The following MGAM variants were observed in gnomAD, a reference collection of about 807,000 sequenced individuals.
MGAM encodes the protein maltase-glucoamylase.
MGAM carries 253 observed loss-of-function variants against 358.8 expected under a neutral mutation model. The observed-to-expected ratio is 0.71, with a 90% confidence interval of 0.64 to 0.78. The LOEUF (loss-of-function observed/expected upper bound fraction) is 0.78, where lower values mean the gene tolerates loss of function less well. Ranked by LOEUF, MGAM falls within the 30% of genes least tolerant of loss-of-function variation. The pLI is 0.00. For synonymous variants in MGAM, 1,105 were observed against 1,227.1 expected (o/e 0.90, Z 2.08); for missense variants, 3,080 against 3,432.6 (o/e 0.90, Z 2.57).
chr7:141,998,499 A>T (rs1355348137), intron 1 of MGAM, among the ~76,000 whole-genome samples: 2 of 152,124 alleles, frequency 1.3e-5, no homozygotes, highest in African/African-American at 4.8e-5. Context: ...GAGTGAAAAC[A>T]TGTAGTGTTT....
In MGAM at chr7:142,091,348, G is replaced by A. The variant is rs1247537820; in HGVS notation, c.6811-565G>A. On this transcript the variant is annotated intron_variant, in intron 57 of 70. Coordinates refer to ENST00000475668, the MANE Select transcript of MGAM (RefSeq NM_001365693.1). ...TGAAGAAAGATGAAAATAAGGGGAAGTTGAAATGTCCTCTTTAAGTCCTCT... is the reference window on the plus strand; with the variant it reads ...TGAAGAAAGATGAAAATAAGGGGAAATTGAAATGTCCTCTTTAAGTCCTCT... Among the ~76,000 whole-genome samples, 6 of 145,960 alleles carry A rather than the reference G, an allele frequency of 4.1e-5. No homozygotes were observed. In the Admixed American group the frequency reaches 4.1e-4, roughly 10 times the overall value.
chr7:142,036,755 T>C (rs1808028376), intron 17 of MGAM, 68 bp from the exon 18 acceptor site: 1 of 1,509,420 alleles, frequency 6.6e-7, no homozygotes, highest in African/African-American at 1.4e-5. Context: ...GAATGAGGTC[T>C]GGAATTCTGC....
chr7:142,026,121 C>T (rs988551480), intron 8 of MGAM, among the ~76,000 whole-genome samples: 22 of 151,878 alleles, frequency 1.4e-4, no homozygotes, highest in African/African-American at 2.2e-4. Flanking sequence ...TTCCTAGATA[C>T]GAATCAAGGT....
At chr7:142,024,565 C>T (rs1806779033) in intron 7 of MGAM, among the ~76,000 whole-genome samples, 1 of 152,172 alleles carries the variant, frequency 6.6e-6, no homozygotes, top group Admixed American at 6.5e-5. Flanking sequence ...ACAGCCATGT[C>T]TGCTTCTACC....
intron 49 of MGAM, among the ~76,000 whole-genome samples, 195 bp downstream of exon 49, chr7:142,079,203 C>A (rs1814011535): frequency 6.9e-6 from 1 of 145,850 alleles, no homozygotes; most frequent in Non-Finnish European, 1.5e-5. Context: ...ATTACTGTGG[C>A]TACTGTTAGG....
At chr7:142,050,892 C>T (rs1810887662) in intron 24 of MGAM, 28 bp downstream of exon 24, 3 of 1,612,938 alleles carry the variant, frequency 1.9e-6, no homozygotes, top group Non-Finnish European at 1.7e-6. Flanking sequence ...TGAGATGGTA[C>T]ATTGAGAATT....
rs560971774 is a variant in MGAM, at chr7:142,097,590, T to C, written c.7693-3T>C. The C allele has an allele frequency of 1.1e-5, 18 of 1,612,486 alleles. No individual in the cohort carries two copies. The Admixed American group carries it at 2.2e-4, about 19-fold the overall frequency. On this transcript the variant is annotated splice_region_variant and splice_polypyrimidine_tract_variant and intron_variant, in intron 65 of 70. Transcript: ENST00000475668. The stretch of plus-strand genomic sequence containing the variant: ...GCCACACCTTGTTTATGTTTCATTT[T>C]AGAATGCCAGAAATGTCACTGCATA...
rs1813325825 is a variant in MGAM at position 142,071,260 on chromosome 7, G to T, written c.5186+142G>T. 2.7e-6 allele frequency: 3 copies of T among 1,111,024 alleles called. No individual in the cohort carries two copies. The East Asian group carries it at 7.9e-5, about 29-fold the overall frequency. The allele number at this position is 1,111,024 out of a possible 1,614,324, so 68.8% of individuals were successfully genotyped here. The stretch of plus-strand genomic sequence containing the variant: ...GTTTTTTCTTTGTTTTGTTGTTTGT[G>T]TGTTAATCTTTTTCAGACTCTATAC... On this transcript the variant is annotated intron_variant, in intron 44 of 70. Coordinates refer to ENST00000475668, the MANE Select transcript of MGAM (RefSeq NM_001365693.1).
intron 2 of MGAM, among the ~76,000 whole-genome samples, chr7:141,990,667 T>A (rs1554447101): frequency 6.6e-6 from 1 of 152,084 alleles, no homozygotes; most frequent in African/African-American, 2.4e-5. Flanking sequence ...TTTTTTTTTA[T>A]GTTTTTTTAT....
At chr7:142,018,520 C>A (rs1262628123) in intron 3 of MGAM, among the ~76,000 whole-genome samples, 3 of 152,204 alleles carry the variant, frequency 2.0e-5, no homozygotes, top group Non-Finnish European at 2.9e-5. Context: ...GGAGAGAGTT[C>A]TTTGTCCTTT....
chr7:142,044,103 TATACATTATATACACATAC>T (rs1809571945), intron 21 of MGAM, among the ~76,000 whole-genome samples: 1 of 136,426 alleles, frequency 7.3e-6, no homozygotes, highest in African/African-American at 3.0e-5. Flanking sequence ...ACGTATAATA[TATACATTATATACACATAC>T]GACGTATAAT....
Position 142,041,949 on chromosome 7 carries a change from CATATATATAATATATATATATTATAT to C in MGAM, c.2498+1111_2498+1136del, listed in dbSNP as rs1808708362. 1.8e-4 allele frequency among the ~76,000 whole-genome samples: 2 copies of C among 11,066 alleles called. 1 individual carries two copies. The highest frequency in any genetic ancestry group is 6.6e-4 in the African/African-American group (2 of 3,052). The allele number at this position is 11,066 out of a possible 152,430, so 7.3% of individuals were successfully genotyped here. Reference sequence around the variant, plus strand: ...ATATAATATATATATTATATATATACATATATATAATATATATATATTATATATATATAATATAATATATATATATT... The same window carrying C: ...ATATAATATATATATTATATATATACATATATAATATAATATATATATATT... On this transcript the variant is annotated intron_variant, in intron 21 of 70. Coordinates refer to ENST00000475668, the MANE Select transcript of MGAM (RefSeq NM_001365693.1).
chr7:141,987,487 G>A (rs114074563), intron 2 of MGAM, among the ~76,000 whole-genome samples: 1,584 of 152,294 alleles, frequency 0.01, 22 homozygotes, highest in African/African-American at 0.029. Context: ...CCATCTGGAC[G>A]AAGTCGGATC....
intron 45 of MGAM, among the ~76,000 whole-genome samples, chr7:142,074,542 TG>T (rs558810772): frequency 0.096 from 14,046 of 146,224 alleles, 2,083 homozygotes; most frequent in African/African-American, 0.23. Context: ...CACCTGCCAG[TG>T]AGGCAGTGAG....
At chr7:142,001,298 T>G (rs1284293756) in intron 1 of MGAM, among the ~76,000 whole-genome samples, 2 of 152,194 alleles carry the variant, frequency 1.3e-5, no homozygotes, top group African/African-American at 4.8e-5. Flanking sequence ...TTACGTTGAC[T>G]AACAGCAGTT....
In MGAM at chr7:142,043,166, ATT is replaced by A. The variant is rs1353676731; in HGVS notation, c.2498+2321_2498+2322del. ...TATAATATCTAAATATAATATCTAT[ATT>A]ATATATACATATAATATCTAAATAT... On this transcript the variant is annotated intron_variant, in intron 21 of 70. Transcript: ENST00000475668. Among the ~76,000 whole-genome samples, 32 of 12,054 alleles carry A rather than the reference ATT, an allele frequency of 2.7e-3. 2 individuals are homozygous for A. The highest frequency in any genetic ancestry group is 0.014 in the African/African-American group (27 of 1,988). 7.9% of individuals were successfully genotyped at this position (12,054 alleles called of 152,430 possible). A position where few individuals can be genotyped will look rare whatever the true frequency, so the allele number is the denominator to read the frequency against.
In MGAM at chr7:142,052,390, C is replaced by T; in HGVS notation, c.2902C>T (p.Pro968Ser). 1 of 1,613,122 alleles carries T rather than the reference C, an allele frequency of 6.2e-7. No individual in the cohort carries two copies. Among genetic ancestry groups the T allele is most frequent in the Non-Finnish European group, 8.5e-7 (1 of 1,179,582 alleles). ...IRDEEKIDCY[P>S]DENGASAENC... ...GGATGAAGAAAAAATAGACTGTTAC[C>T]CTGATGAGAATGGTGCTTCTGCCGA... The change falls in exon 25 of 71, where the codon CCT becomes TCT. Residue 968 changes from proline to serine, a missense_variant. Coordinates refer to ENST00000475668, the MANE Select transcript of MGAM (RefSeq NM_001365693.1).
At chr7:142,020,942 A>T in intron 4 of MGAM, 32 bp from the exon 5 acceptor site, 6 of 1,462,040 alleles carry the variant, frequency 4.1e-6, no homozygotes, top group Non-Finnish European at 4.8e-6. Flanking sequence ...TGCAGAGTCA[A>T]CTATGAAAAC....
upstream of MGAM, among the ~76,000 whole-genome samples, chr7:141,994,067 G>A (rs1017380039): frequency 4.6e-5 from 7 of 152,204 alleles, no homozygotes; most frequent in East Asian, 5.8e-4. Flanking sequence ...GTAGAGACGC[G>A]GTTTCACCAT....
Sources: allele counts gnomAD v4.1 joint callset (sites outside exome capture counted in the v4.1 genomes callset), GRCh38; gene constraint gnomAD v4.1.1; transcripts MANE v1.5; gene names NCBI Gene and HGNC (gene_info 2026-07-23, HGNC 2026-07-21).